Variants in SMARCC1 observed in about 807,000 individuals in gnomAD.
SMARCC1 encodes SWI/SNF complex subunit SMARCC1.
Under a neutral mutation model 147.4 loss-of-function variants are expected in SMARCC1, and 43 were observed. The ratio of observed to expected loss-of-function variants is 0.29; its 90% confidence interval spans 0.23 to 0.38. The LOEUF (loss-of-function observed/expected upper bound fraction) is 0.38. Ranked by LOEUF, SMARCC1 falls within the 10% of genes least tolerant of loss-of-function variation. The probability of loss-of-function intolerance (pLI) is 1.00; values close to 1 mark genes in which losing one functional copy is unlikely to be tolerated. For synonymous variants in SMARCC1, 495 were observed against 484.4 expected, an observed-to-expected ratio of 1.02 and a Z score of -0.29; for missense variants, 1,119 against 1,381.1, an observed-to-expected ratio of 0.81 and a Z score of 3.01.
Position 47,692,302 on chromosome 3 carries a change from T to C in SMARCC1, c.1225+939A>G, listed in dbSNP as rs911955418. The stretch of plus-strand genomic sequence containing the variant: ...TTCTCCTGCAAAATCACTCAAGAAT[T>C]ATACCTTACTTGTGAAAATGTACTC... On this transcript the variant is annotated intron_variant, in intron 12 of 27. Coordinates refer to ENST00000254480, the MANE Select transcript of SMARCC1 (RefSeq NM_003074.4). Among the ~76,000 whole-genome samples, 3 of 152,198 alleles carry C rather than the reference T, an allele frequency of 2.0e-5. No individual in the cohort carries two copies. In the East Asian group the frequency reaches 5.8e-4, roughly 29 times the overall value.
At chr3:47,766,013 G>A (rs9831007) in intron 2 of SMARCC1, among the ~76,000 whole-genome samples, 22 of 152,262 alleles carry the variant, frequency 1.4e-4, no homozygotes, top group Admixed American at 3.3e-4. Context: ...GATTACAGGC[G>A]TGAGCCACTG....
rs200890593 is a variant in SMARCC1, at chr3:47,665,030, A to T, written c.1900-2438T>A. 1.4e-4 allele frequency among the ~76,000 whole-genome samples: 22 copies of T among 152,164 alleles called. No individual in the cohort carries two copies. The East Asian group carries it at 3.1e-3, about 21-fold the overall frequency. ...TCTTAATTTTTAGAGACATGTTCTC[A>T]CTGTATTGCCCAGGATGGTCACGGA... is the stretch of plus-strand genomic sequence containing the variant. On this transcript the variant is annotated intron_variant, in intron 19 of 27. Coordinates refer to ENST00000254480, the MANE Select transcript of SMARCC1 (RefSeq NM_003074.4).
rs1405028435 is a variant in SMARCC1 at position 47,600,998 on chromosome 3, T to A, written c.3043+9068A>T. 9.2e-3 allele frequency among the ~76,000 whole-genome samples: 784 copies of A among 85,064 alleles called. 1 individual carries two copies. Among genetic ancestry groups the A allele is most frequent in the Middle Eastern group, 0.013 (2 of 150 alleles). The allele number at this position is 85,064 out of a possible 152,430, so 55.8% of individuals were successfully genotyped here. Reference sequence around the variant, plus strand: ...CCAGCAGACAGGGAGAGGAAGAAAATGAGAGAGAGAGAGAGAGAGAGAGAG... The same window carrying A: ...CCAGCAGACAGGGAGAGGAAGAAAAAGAGAGAGAGAGAGAGAGAGAGAGAG... On this transcript the variant is annotated intron_variant, in intron 26 of 27. Coordinates refer to ENST00000254480, the MANE Select transcript of SMARCC1 (RefSeq NM_003074.4).
intron 2 of SMARCC1, among the ~76,000 whole-genome samples, chr3:47,762,603 G>A (rs1420096241): frequency 2.6e-5 from 4 of 152,192 alleles, no homozygotes; most frequent in East Asian, 1.9e-4. Context: ...ACCAAATCAC[G>A]TAACAATTGA....
intron 3 of SMARCC1, among the ~76,000 whole-genome samples, chr3:47,745,338 T>C (rs1463526683): frequency 2.0e-5 from 3 of 152,214 alleles, no homozygotes; most frequent in Non-Finnish European, 4.4e-5. Flanking sequence ...ACACATTTCA[T>C]GGCAAGCCTA....
At chr3:47,647,125 A>C (rs2033129218) in intron 21 of SMARCC1, among the ~76,000 whole-genome samples, 1 of 152,238 alleles carries the variant, frequency 6.6e-6, no homozygotes, top group Non-Finnish European at 1.5e-5. Context: ...ATGATCGGTC[A>C]GACAGCGAAA....
chr3:47,663,781 G>A (rs372615190), intron 19 of SMARCC1: 66 of 1,576,670 alleles, frequency 4.2e-5, no homozygotes, highest in Admixed American at 6.7e-5. Context: ...GCCTGGCCAC[G>A]GCGGCCGCCC....
chr3:47,656,243 A>C (rs2106728506), intron 21 of SMARCC1, among the ~76,000 whole-genome samples: 1 of 152,282 alleles, frequency 6.6e-6, no homozygotes, highest in Non-Finnish European at 1.5e-5. Context: ...GAGCACTTCC[A>C]TTTGAGAAGC....
chr3:47,751,112 G>T (rs1421328096), intron 2 of SMARCC1, among the ~76,000 whole-genome samples: 4 of 151,760 alleles, frequency 2.6e-5, no homozygotes, highest in African/African-American at 9.7e-5. Context: ...TGGCCAGGCT[G>T]GTCTTTAATT....
intron 5 of SMARCC1, 62 bp downstream of exon 5, chr3:47,735,972 G>C: frequency 1.4e-6 from 1 of 721,924 alleles, no homozygotes; most frequent in Non-Finnish European, 2.3e-6. Context: ...TTTATTAGAG[G>C]CTTACAACTA....
At chr3:47,670,388 C>G in intron 19 of SMARCC1, 1 of 398,162 alleles carries the variant, frequency 2.5e-6, no homozygotes, top group Non-Finnish European at 4.5e-6. Context: ...AGTTTGAGAC[C>G]AGCCTGGACA....
intron 10 of SMARCC1, among the ~76,000 whole-genome samples, chr3:47,704,183 G>A (rs1404921407): frequency 6.6e-6 from 1 of 152,108 alleles, no homozygotes; most frequent in African/African-American, 2.4e-5. Flanking sequence ...AGTGCTGCAT[G>A]ATGATTTTTT....
chr3:47,590,908 A>G, intron 26 of SMARCC1, 71 bp from the exon 27 acceptor site: 8 of 1,273,050 alleles, frequency 6.3e-6, no homozygotes, highest in Non-Finnish European at 6.6e-6. Flanking sequence ...ACTTAAATCC[A>G]ACTCCTAAAT....
chr3:47,680,270 C>A, intron 15 of SMARCC1, 167 bp downstream of exon 15: 1 of 581,504 alleles, frequency 1.7e-6, no homozygotes, highest in Non-Finnish European at 3.0e-6. Flanking sequence ...AAACTAGATA[C>A]AATTTCCTGT....
Position 47,714,396 on chromosome 3 carries a change from T to C in SMARCC1, c.792+19A>G. ...TTTTAAAAAGATTATTGTAAGATTT[T>C]TTTTGTTAAATCATTTACCTTCCAT... On this transcript the variant is annotated intron_variant, in intron 8 of 27. Coordinates refer to ENST00000254480, the MANE Select transcript of SMARCC1 (RefSeq NM_003074.4). The C allele has an allele frequency of 6.8e-7, 1 of 1,463,774 alleles. No homozygotes were observed. Among genetic ancestry groups the C allele is most frequent in the Non-Finnish European group, 9.5e-7 (1 of 1,052,676 alleles). The allele number at this position is 1,463,774 out of a possible 1,614,324, so 90.7% of individuals were successfully genotyped here.
chr3:47,714,818 AACTAAAAGAAATACT>A (rs1181024053), intron 7 of SMARCC1, among the ~76,000 whole-genome samples: 1 of 152,102 alleles, frequency 6.6e-6, no homozygotes, highest in Non-Finnish European at 1.5e-5. Context: ...CAAAACAAAA[AACTAAAAGAAATACT>A]ACTAAAATCT....
chr3:47,749,576 T>A lies in SMARCC1; in HGVS notation c.316-3583A>T, dbSNP rs79139244. On this transcript the variant is annotated intron_variant, in intron 2 of 27. Transcript: ENST00000254480. The stretch of plus-strand genomic sequence containing the variant: ...CAGCAACTCAGGAGGCTGAGGTAAA[T>A]GGATTGCTTGAGCTTGGGAAGTTGA... Among the ~76,000 whole-genome samples the A allele has an allele frequency of 8.0e-3, 1,187 of 148,172 alleles. 6 individuals are homozygous for A. The highest frequency in any genetic ancestry group is 0.015 in the South Asian group (69 of 4,692).
intron 19 of SMARCC1, among the ~76,000 whole-genome samples, chr3:47,664,195 A>T (rs1234878876): frequency 2.0e-5 from 3 of 151,762 alleles, no homozygotes; most frequent in Admixed American, 2.0e-4. Flanking sequence ...AAAAAAAAAA[A>T]GACCCTGTCT....
chr3:47,606,479 A>G (rs1416229239), intron 26 of SMARCC1, among the ~76,000 whole-genome samples: 1 of 152,166 alleles, frequency 6.6e-6, no homozygotes, highest in Non-Finnish European at 1.5e-5. Flanking sequence ...CATGGCATAC[A>G]AACACCCATT....
Sources: allele counts gnomAD v4.1 joint callset (sites outside exome capture counted in the v4.1 genomes callset), GRCh38; gene constraint gnomAD v4.1.1; transcripts MANE v1.5; gene names NCBI Gene and HGNC (gene_info 2026-07-23, HGNC 2026-07-21).